RCBTB1: variants seen among roughly 807,000 people sequenced by gnomAD.
The protein encoded by RCBTB1 is RCC1 and BTB domain containing protein 1.
In RCBTB1, 46 loss-of-function variants were observed where a neutral mutation model predicts 62.4. The ratio of observed to expected loss-of-function variants is 0.74; its 90% CI spans 0.58 to 0.94. The LOEUF is 0.94. Among genes scored for constraint, RCBTB1 ranks in the 40% least tolerant of loss-of-function variants. The pLI, the probability that RCBTB1 is intolerant of heterozygous loss-of-function variation, is 0.00. For synonymous variants in RCBTB1, 222 were observed against 245.8 expected (o/e 0.90, Z 0.91); for missense variants, 565 against 654.9 (o/e 0.86, Z 1.50).
chr13:49,582,115 T>C (rs1290447984), intron 1 of RCBTB1, among the ~76,000 whole-genome samples: 1 of 152,146 alleles, frequency 6.6e-6, no homozygotes, highest in Non-Finnish European at 1.5e-5. Flanking sequence ...AAGGAGCCAG[T>C]AGAAACATCA....
chr13:49,551,172 A>G, intron 8 of RCBTB1, 154 bp downstream of exon 8: 1 of 704,980 alleles, frequency 1.4e-6, no homozygotes, highest in Non-Finnish European at 2.2e-6. Context: ...GAGAAGGAGG[A>G]AGGGGGAAGG....
chr13:49,543,445 C>G (rs1377492341), intron 10 of RCBTB1, among the ~76,000 whole-genome samples: 1 of 152,134 alleles, frequency 6.6e-6, no homozygotes, highest in Admixed American at 6.5e-5. Context: ...GAAACAGTTC[C>G]AGTTCATCTT....
intron 2 of RCBTB1, among the ~76,000 whole-genome samples, chr13:49,574,945 A>T (rs1198655162): frequency 1.3e-5 from 2 of 152,184 alleles, no homozygotes; most frequent in African/African-American, 4.8e-5. Context: ...ACAGGGATGA[A>T]CCCTGAAGAC....
intron 11 of RCBTB1, 80 bp from the exon 12 acceptor site, chr13:49,541,086 G>C: frequency 8.1e-7 from 1 of 1,241,946 alleles, no homozygotes; most frequent in Non-Finnish European, 1.1e-6. Context: ...GGTGAACAGA[G>C]GTGTACAGGT....
At position 49,566,658 on chromosome 13, in the gene RCBTB1, G is replaced by A. The variant is rs562972222; in HGVS notation, c.237C>T (p.Leu79=). 5 of 1,613,998 alleles carry A rather than the reference G, an allele frequency of 3.1e-6. No individual in the cohort carries two copies. Among genetic ancestry groups the A allele is most frequent in the Non-Finnish European group, 4.2e-6 (5 of 1,179,988 alleles). The change falls in exon 4 of 13, where the codon CTC becomes CTT. Residue 79 remains leucine (L), a synonymous_variant. Transcript: ENST00000378302. ...EGLCGKKIKS[L]SYGSGPHVLL... Reference sequence around the variant, plus strand: ...GAACATGTGGTCCACTCCCGTAACTGAGGCTTTTAATCTTCTTTCCACATA... The same window carrying A: ...GAACATGTGGTCCACTCCCGTAACTAAGGCTTTTAATCTTCTTTCCACATA...
At chr13:49,551,762 T>G (rs973122915) in intron 7 of RCBTB1, among the ~76,000 whole-genome samples, 61 of 152,032 alleles carry the variant, frequency 4.0e-4, no homozygotes, top group African/African-American at 1.5e-3. Flanking sequence ...TAGCCAGGTG[T>G]GGTGGCGGCC....
intron 12 of RCBTB1, among the ~76,000 whole-genome samples, chr13:49,538,613 T>G (rs1960103573): frequency 6.6e-6 from 1 of 151,752 alleles, no homozygotes; most frequent in South Asian, 2.1e-4. Flanking sequence ...GTTCCTGGAC[T>G]GGGAAGGAAG....
chr13:49,550,492 C>T, intron 8 of RCBTB1: 1 of 836,284 alleles, frequency 1.2e-6, no homozygotes, highest in Non-Finnish European at 1.4e-6. Context: ...TAAGACCTTA[C>T]AATTAGGCTG....
chr13:49,533,257 A>G lies in RCBTB1; in HGVS notation c.*865T>C, dbSNP rs1025577961. On this transcript the variant is annotated 3_prime_UTR_variant, in exon 13 of 13. Transcript: ENST00000378302. The stretch of plus-strand genomic sequence containing the variant: ...AAGGCAAGAGTATACTATACATGTC[A>G]TTATTTTCCTCTTAAGTTTGCATTT... 2.0e-5 allele frequency: 3 copies of G among 152,196 alleles called. No homozygotes were observed. Among genetic ancestry groups the G allele is most frequent in the African/African-American group, 7.2e-5 (3 of 41,444 alleles). 9.4% of individuals were successfully genotyped at this position (152,196 alleles called of 1,614,324 possible).
At chr13:49,582,009 T>C (rs1472038014) in intron 1 of RCBTB1, among the ~76,000 whole-genome samples, 1 of 152,286 alleles carries the variant, frequency 6.6e-6, no homozygotes, top group Non-Finnish European at 1.5e-5. Flanking sequence ...AGAAATCGCA[T>C]AGTAATCACA....
At chr13:49,568,220 A>T (rs959907109) in intron 2 of RCBTB1, among the ~76,000 whole-genome samples, 4 of 152,220 alleles carry the variant, frequency 2.6e-5, no homozygotes, top group Non-Finnish European at 5.9e-5. Flanking sequence ...TAGCACACAT[A>T]GACCTGCTAC....
intron 2 of RCBTB1, among the ~76,000 whole-genome samples, chr13:49,577,653 G>A (rs897097991): frequency 1.3e-5 from 2 of 152,160 alleles, no homozygotes; most frequent in South Asian, 4.1e-4. Flanking sequence ...GCATTGGCGA[G>A]CACCAAGATT....
In RCBTB1 at chr13:49,541,683, A is replaced by G. The variant is rs1960375501; in HGVS notation, c.1317T>C (p.Asp439=). 3 of 1,611,884 alleles carry G rather than the reference A, an allele frequency of 1.9e-6. No individual in the cohort carries two copies. The highest frequency in any genetic ancestry group is 8.5e-7 in the Non-Finnish European group (1 of 1,179,180). ...CCAATGCTACCACAGTACCTATAGC[A>G]TCTTCTGGCGGCAGGTCGACTGTGT... ...YTDTVDLPPE[D]AIGLLDLATS... is the part of the protein sequence containing the mutation. The change falls in exon 11 of 13, where the codon GAT becomes GAC. Residue 439 remains aspartate, a synonymous_variant. Transcript: ENST00000378302.
chr13:49,537,835 C>T (rs748125169), intron 12 of RCBTB1: 2 of 152,186 alleles, frequency 1.3e-5, no homozygotes, highest in African/African-American at 4.8e-5. Context: ...TTTCATAACA[C>T]GTTCATAGCA....
intron 5 of RCBTB1, 61 bp from the exon 6 acceptor site, chr13:49,555,734 C>A: frequency 8.2e-7 from 1 of 1,224,518 alleles, no homozygotes; most frequent in Non-Finnish European, 1.1e-6. Context: ...TACCCCAACA[C>A]AAATAATCAT....
chr13:49,583,313 T>A (rs1320972248), intron 1 of RCBTB1, among the ~76,000 whole-genome samples: 1 of 152,150 alleles, frequency 6.6e-6, no homozygotes, highest in African/African-American at 2.4e-5. Flanking sequence ...CTGGAGACCG[T>A]AAGTCTTTAG....
chr13:49,535,111 T>G (rs1432733879), intron 12 of RCBTB1, among the ~76,000 whole-genome samples: 1 of 152,178 alleles, frequency 6.6e-6, no homozygotes, highest in East Asian at 1.9e-4. Context: ...CCATAAAGAA[T>G]AATAACACTA....
chr13:49,533,953 A>G lies in RCBTB1; in HGVS notation c.*169T>C. 1 of 546,450 alleles carries G rather than the reference A, an allele frequency of 1.8e-6. No homozygotes were observed. The highest frequency in any genetic ancestry group is 4.3e-5 in the South Asian group (1 of 23,214). The allele number at this position is 546,450 out of a possible 1,614,324, so 33.9% of individuals were successfully genotyped here. ...GGGTTGTTTAAAATGGGCTCAAGAA[A>G]AGCCGTACACCCTTGTTATGTTCCT... On this transcript the variant is annotated 3_prime_UTR_variant, in exon 13 of 13. Transcript: ENST00000378302.
intron 9 of RCBTB1, chr13:49,547,195 A>G: frequency 8.2e-7 from 1 of 1,218,516 alleles, no homozygotes; most frequent in South Asian, 1.3e-5. Flanking sequence ...AAAATACTGT[A>G]TTATACCTAA....
Sources: gnomAD v4.1 joint callset for allele counts (sites outside exome capture counted in the v4.1 genomes callset) on GRCh38, gnomAD v4.1.1 for gene constraint, MANE v1.5 for transcripts, NCBI Gene and HGNC (gene_info 2026-07-23, HGNC 2026-07-21) for gene names.